Variants in NTRK2 observed in about 807,000 individuals in gnomAD.
NTRK2 encodes neurotrophic receptor tyrosine kinase 2.
In NTRK2, 13 loss-of-function variants were observed where a neutral mutation model predicts 94.5. The ratio of observed to expected loss-of-function variants is 0.14; its 90% CI spans 0.09 to 0.22. The LOEUF is 0.22. Among genes scored for constraint, NTRK2 ranks in the 10% least tolerant of loss-of-function variants. NTRK2 has a pLI of 1.00. For synonymous variants in NTRK2, 372 were observed against 407.4 expected, an observed-to-expected ratio of 0.91 and a Z score of 1.05; for missense variants, 639 against 1,071.2, an observed-to-expected ratio of 0.60 and a Z score of 5.63.
chr9:84,946,803 C>T (rs1025872565), intron 15 of NTRK2, among the ~76,000 whole-genome samples: 7 of 152,210 alleles, frequency 4.6e-5, no homozygotes, highest in African/African-American at 1.4e-4. Flanking sequence ...CTGGTTCCTT[C>T]TGGAGGTTCT....
chr9:84,877,841 A>T (rs2076126695), intron 14 of NTRK2: 1 of 1,041,300 alleles, frequency 9.6e-7, no homozygotes, highest in African/African-American at 1.7e-5. Context: ...GGAATTTGTG[A>T]TGTAGTTGAT....
In NTRK2 at chr9:84,992,758, G is replaced by A. The variant is rs1175430259; in HGVS notation, c.2173-27448G>A. Among the ~76,000 whole-genome samples the A allele has an allele frequency of 2.6e-5, 4 of 152,128 alleles. No homozygotes were observed. In the East Asian group the frequency reaches 7.7e-4, roughly 29 times the overall value. Reference sequence around the variant, plus strand: ...TGCAAGGGTCCAATGTCAATTTCCTGTGCTCCATTTATGCAGATGTGATGT... The same window carrying A: ...TGCAAGGGTCCAATGTCAATTTCCTATGCTCCATTTATGCAGATGTGATGT... On this transcript the variant is annotated intron_variant, in intron 17 of 18. Transcript: ENST00000277120.
chr9:84,842,181 G>T (rs1587627778), intron 12 of NTRK2, among the ~76,000 whole-genome samples: 1 of 152,242 alleles, frequency 6.6e-6, no homozygotes. Flanking sequence ...ACTGAGCTTT[G>T]TCTGGGTATA....
At chr9:84,670,289 G>A in intron 1 of NTRK2, 88 bp from the exon 2 acceptor site, 1 of 268,606 alleles carries the variant, frequency 3.7e-6, no homozygotes, top group Non-Finnish European at 7.0e-6. Flanking sequence ...GGTCGGGGTG[G>A]GGATGACGCG....
chr9:84,961,087 C>T (rs1824868707), intron 17 of NTRK2, among the ~76,000 whole-genome samples: 1 of 152,126 alleles, frequency 6.6e-6, no homozygotes, highest in South Asian at 2.1e-4. Context: ...CAGTGAAGAG[C>T]CCAGGGCTAA....
chr9:84,771,111 C>A (rs1261674763), intron 12 of NTRK2, among the ~76,000 whole-genome samples: 1 of 152,126 alleles, frequency 6.6e-6, no homozygotes, highest in Non-Finnish European at 1.5e-5. Context: ...TGAGTCATGT[C>A]ACTTTGTTGT....
intron 6 of NTRK2, among the ~76,000 whole-genome samples, chr9:84,712,339 G>A (rs1460235603): frequency 1.3e-5 from 2 of 152,190 alleles, no homozygotes. Flanking sequence ...GACGTGTAGG[G>A]AGTGAACTGG....
chr9:84,806,501 T>C (rs1018560642), intron 12 of NTRK2, among the ~76,000 whole-genome samples: 3 of 152,186 alleles, frequency 2.0e-5, no homozygotes, highest in African/African-American at 7.2e-5. Flanking sequence ...AGGACCTAAA[T>C]TTATATATGG....
At chr9:84,957,992 A>G (rs1404145695) in intron 17 of NTRK2, among the ~76,000 whole-genome samples, 2 of 152,238 alleles carry the variant, frequency 1.3e-5, no homozygotes, top group Admixed American at 6.5e-5. Context: ...GTCAGACACA[A>G]AAGGCCACAT....
chr9:85,005,944 A>T (rs1027838757), intron 17 of NTRK2, among the ~76,000 whole-genome samples: 52 of 152,208 alleles, frequency 3.4e-4, no homozygotes, highest in African/African-American at 1.2e-3. Context: ...TTTACATATG[A>T]CCTTTGTATC....
intron 12 of NTRK2, among the ~76,000 whole-genome samples, chr9:84,854,935 A>C (rs1444540005): frequency 8.3e-6 from 1 of 120,314 alleles, no homozygotes; most frequent in Non-Finnish European, 1.6e-5. Context: ...CAACAGAGCG[A>C]GACTCCGTCT....
chr9:85,004,000 G>GAAAGAAAGA (rs1183739818), intron 17 of NTRK2, among the ~76,000 whole-genome samples: 2 of 138,746 alleles, frequency 1.4e-5, no homozygotes, highest in African/African-American at 5.5e-5. Flanking sequence ...AGGAAAGAAA[G>GAAAGAAAGA]AAAGAAAGAA....
intron 17 of NTRK2, among the ~76,000 whole-genome samples, chr9:84,980,734 G>A (rs1452639654): frequency 6.6e-6 from 1 of 152,236 alleles, no homozygotes; most frequent in African/African-American, 2.4e-5. Context: ...GGCAGAGGAT[G>A]AGTGTGAGAA....
At chr9:84,832,359 A>G (rs181676062) in intron 12 of NTRK2, among the ~76,000 whole-genome samples, 2 of 152,364 alleles carry the variant, frequency 1.3e-5, no homozygotes, top group East Asian at 3.9e-4. Flanking sequence ...GAAAAATATA[A>G]CAAGGTAGAG....
At chr9:84,930,566 G>A (rs1032675662) in intron 14 of NTRK2, among the ~76,000 whole-genome samples, 3 of 152,166 alleles carry the variant, frequency 2.0e-5, no homozygotes, top group Admixed American at 2.0e-4. Context: ...GAGAGGCTTG[G>A]GCATCCTTGG....
Position 85,025,176 on chromosome 9 carries a change from T to G in NTRK2, c.*3739T>G, listed in dbSNP as rs1346277187. On this transcript the variant is annotated 3_prime_UTR_variant, in exon 19 of 19. Coordinates refer to ENST00000277120, the MANE Select transcript of NTRK2 (RefSeq NM_006180.6). ...TGGGTGGAAGACATATTTAAGATAA[T>G]GTGCTTCCCAAAACAACTGAATAAA... is the stretch of plus-strand genomic sequence containing the variant. The G allele has an allele frequency of 4.3e-6, 1 of 233,090 alleles. No homozygotes were observed. The highest frequency in any genetic ancestry group is 8.5e-6 in the Non-Finnish European group (1 of 117,978). The allele number at this position is 233,090 out of a possible 1,614,324, so 14.4% of individuals were successfully genotyped here.
At chr9:85,012,990 G>T (rs1831795571) in intron 17 of NTRK2, among the ~76,000 whole-genome samples, 1 of 152,178 alleles carries the variant, frequency 6.6e-6, no homozygotes, top group African/African-American at 2.4e-5. Context: ...TTTGTGACCA[G>T]ATTGAAAGAT....
At chr9:84,981,550 G>A (rs926320336) in intron 17 of NTRK2, among the ~76,000 whole-genome samples, 1 of 151,430 alleles carries the variant, frequency 6.6e-6, no homozygotes, top group African/African-American at 2.4e-5. Context: ...TTTGTTTTTG[G>A]AAACAAAATA....
intron 12 of NTRK2, among the ~76,000 whole-genome samples, chr9:84,851,005 A>G (rs1301898390): frequency 6.6e-6 from 1 of 152,198 alleles, no homozygotes; most frequent in Non-Finnish European, 1.5e-5. Context: ...GTCAATACCT[A>G]GGTCAGGGTT....
Sources: gnomAD v4.1 joint callset for allele counts (sites outside exome capture counted in the v4.1 genomes callset) on GRCh38, gnomAD v4.1.1 for gene constraint, MANE v1.5 for transcripts, NCBI Gene and HGNC (gene_info 2026-07-23, HGNC 2026-07-21) for gene names.